Variants in MAST2 observed in about 807,000 individuals in gnomAD.
The protein encoded by MAST2 is microtubule associated serine/threonine kinase 2.
Under a neutral mutation model 147.4 loss-of-function variants are expected in MAST2, and 70 were observed. The observed-to-expected ratio is 0.47, with a 90% CI of 0.39 to 0.58. The LOEUF (loss-of-function observed/expected upper bound fraction) is 0.58, where lower values mean the gene tolerates loss of function less well. Ranked by LOEUF, MAST2 falls within the 20% of genes least tolerant of loss-of-function variation. The pLI is 0.00. For missense variants in MAST2, 2,080 were observed against 2,302.3 expected (o/e 0.90, Z 1.98); for synonymous variants, 869 against 896.8 (o/e 0.97, Z 0.55).
At chr1:45,824,374 GT>G in intron 1 of MAST2, 58 bp from the exon 2 acceptor site, 3 of 1,359,020 alleles carry the variant, frequency 2.2e-6, no homozygotes, top group Non-Finnish European at 3.0e-6. Context: ...TTAATATAAA[GT>G]TTTTATACTT....
In MAST2 at chr1:45,857,882, G is replaced by A. The variant is rs554721420; in HGVS notation, c.469-24482G>A. Among the ~76,000 whole-genome samples, 250 of 122,694 alleles carry A rather than the reference G, an allele frequency of 2.0e-3. 1 individual carries two copies. The highest frequency in any genetic ancestry group is 7.3e-3 in the African/African-American group (233 of 32,084). The allele number at this position is 122,694 out of a possible 152,430, so 80.5% of individuals were successfully genotyped here. The stretch of plus-strand genomic sequence containing the variant: ...TTTTTTTTTTTTTTTTTGTCCTTGC[G>A]ATAGTTTGCTAAGGATGATGGTTTC... On this transcript the variant is annotated intron_variant, in intron 3 of 28. Coordinates refer to ENST00000361297, the MANE Select transcript of MAST2 (RefSeq NM_015112.3).
intron 5 of MAST2, among the ~76,000 whole-genome samples, chr1:45,982,476 T>C (rs1644450763): frequency 6.6e-6 from 1 of 152,176 alleles, no homozygotes; most frequent in African/African-American, 2.4e-5. Flanking sequence ...TAATCAATCA[T>C]GACTATGTAA....
At chr1:45,865,420 A>G (rs1646112820) in intron 3 of MAST2, among the ~76,000 whole-genome samples, 1 of 152,214 alleles carries the variant, frequency 6.6e-6, no homozygotes, top group Non-Finnish European at 1.5e-5. Flanking sequence ...AATTTAGAAC[A>G]TTAGACATTA....
At chr1:45,837,523 A>G (rs1217208421) in intron 3 of MAST2, among the ~76,000 whole-genome samples, 2 of 152,286 alleles carry the variant, frequency 1.3e-5, no homozygotes, top group Non-Finnish European at 2.9e-5. Flanking sequence ...GTTAATGACC[A>G]TATGGGTTGT....
At chr1:45,880,802 G>A (rs1209881007) in intron 3 of MAST2, among the ~76,000 whole-genome samples, 1 of 151,826 alleles carries the variant, frequency 6.6e-6, no homozygotes, top group Non-Finnish European at 1.5e-5. Context: ...CCAACATGGT[G>A]AACCCCTGTC....
At chr1:45,854,009 C>CA (rs1462126102) in intron 3 of MAST2, among the ~76,000 whole-genome samples, 7 of 152,066 alleles carry the variant, frequency 4.6e-5, no homozygotes, top group African/African-American at 1.7e-4. Flanking sequence ...GTCCTTTCTG[C>CA]ATTGAATTGC....
At chr1:45,940,218 C>G (rs1657038867) in intron 4 of MAST2, among the ~76,000 whole-genome samples, 1 of 151,922 alleles carries the variant, frequency 6.6e-6, no homozygotes, top group Non-Finnish European at 1.5e-5. Flanking sequence ...GTCTCGAACT[C>G]CTGACTTCAG....
intron 5 of MAST2, among the ~76,000 whole-genome samples, chr1:45,987,120 TCTC>T (rs1201241672): frequency 1.6e-4 from 25 of 152,314 alleles, no homozygotes; most frequent in African/African-American, 5.8e-4. Flanking sequence ...GAATTTTCAG[TCTC>T]CTCTAAGTTG....
Position 45,862,538 on chromosome 1 carries a change from C to A in MAST2, c.469-19826C>A, listed in dbSNP as rs10749860. Among the ~76,000 whole-genome samples the A allele has an allele frequency of 2.0e-5, 3 of 148,522 alleles. No individual in the cohort carries two copies. In the South Asian group the frequency reaches 6.5e-4, roughly 32 times the overall value. ...AGTGGCTGGAGTGCAGTGGCACGAT[C>A]TCAGCTCTGCAACCTCTGCCTCTTG... is the stretch of plus-strand genomic sequence containing the variant. On this transcript the variant is annotated intron_variant, in intron 3 of 28. Coordinates refer to ENST00000361297, the MANE Select transcript of MAST2 (RefSeq NM_015112.3).
chr1:45,885,941 G>C (rs1053307488), intron 4 of MAST2, among the ~76,000 whole-genome samples: 1 of 152,014 alleles, frequency 6.6e-6, no homozygotes, highest in Non-Finnish European at 1.5e-5. Context: ...GTTTCTGTGG[G>C]GGTGAGGGTT....
chr1:45,944,637 T>G (rs1224134282), intron 4 of MAST2, among the ~76,000 whole-genome samples: 1 of 152,238 alleles, frequency 6.6e-6, no homozygotes, highest in Non-Finnish European at 1.5e-5. Context: ...CCTAATTTAA[T>G]CTTCTCCCCC....
Position 46,005,373 on chromosome 1 carries a change from A to G in MAST2, c.748-868A>G, listed in dbSNP as rs546529596. Among the ~76,000 whole-genome samples the G allele has an allele frequency of 3.0e-4, 46 of 152,222 alleles. No homozygotes were observed. The South Asian group carries it at 9.3e-3, about 31-fold the overall frequency. On this transcript the variant is annotated intron_variant, in intron 7 of 28. Transcript: ENST00000361297. ...GCGAAACTCTGTCTCAAAAAAAAAAAAAAAACCCCAGATCATTGATTAGTT... is the reference window on the plus strand; with the variant it reads ...GCGAAACTCTGTCTCAAAAAAAAAAGAAAAACCCCAGATCATTGATTAGTT...
At chr1:45,847,168 A>C (rs2147955667) in intron 3 of MAST2, 1 of 517,584 alleles carries the variant, frequency 1.9e-6, no homozygotes, top group East Asian at 5.5e-5. Flanking sequence ...TCAAAGTCCC[A>C]TTCCCTAAAT....
At chr1:45,812,712 A>G (rs1447487954) in intron 1 of MAST2, among the ~76,000 whole-genome samples, 1 of 152,234 alleles carries the variant, frequency 6.6e-6, no homozygotes, top group Non-Finnish European at 1.5e-5. Context: ...AGCATCGGCC[A>G]CTGTGCCTGG....
intron 4 of MAST2, among the ~76,000 whole-genome samples, chr1:45,947,316 A>AC (rs1557947624): frequency 7.1e-6 from 1 of 141,528 alleles, no homozygotes; most frequent in Non-Finnish European, 1.6e-5. Context: ...TAAAAAAAAA[A>AC]AAAAAAAAAA....
chr1:46,016,857 G>A (rs1257606158), intron 10 of MAST2, among the ~76,000 whole-genome samples: 1 of 151,802 alleles, frequency 6.6e-6, no homozygotes, highest in African/African-American at 2.4e-5. Flanking sequence ...AAAAGAGCCC[G>A]CATCGCCAAG....
intron 3 of MAST2, among the ~76,000 whole-genome samples, chr1:45,864,325 C>A (rs1570427889): frequency 6.6e-6 from 1 of 152,208 alleles, no homozygotes; most frequent in African/African-American, 2.4e-5. Context: ...GAACTCACAA[C>A]ACGTGGACTA....
chr1:45,905,584 G>A (rs1650565181), intron 4 of MAST2, among the ~76,000 whole-genome samples: 1 of 152,224 alleles, frequency 6.6e-6, no homozygotes, highest in Middle Eastern at 3.4e-3. Context: ...AGACCATCCT[G>A]GCTAACACAG....
chr1:45,870,774 A>T (rs1031650852), intron 3 of MAST2, among the ~76,000 whole-genome samples: 1 of 151,262 alleles, frequency 6.6e-6, no homozygotes, highest in African/African-American at 2.4e-5. Context: ...AAAAAAAAAA[A>T]TTTAAGTAGC....
Sources: allele counts gnomAD v4.1 joint callset (sites outside exome capture counted in the v4.1 genomes callset), GRCh38; gene constraint gnomAD v4.1.1; transcripts MANE v1.5; gene names NCBI Gene and HGNC (gene_info 2026-07-23, HGNC 2026-07-21).